GALNT13: variants seen among roughly 807,000 people sequenced by gnomAD.
GALNT13 encodes polypeptide N-acetylgalactosaminyltransferase 13.
Under a neutral mutation model 64.2 loss-of-function variants are expected in GALNT13, and 28 were observed. That is an observed-to-expected ratio of 0.44 (90% CI 0.32 to 0.60). The LOEUF is 0.60. Among genes scored for constraint, GALNT13 ranks in the 20% least tolerant of loss-of-function variants. GALNT13 has a pLI of 0.05. For missense variants in GALNT13, 577 were observed against 669.8 expected, an observed-to-expected ratio of 0.86 and a Z score of 1.53; for synonymous variants, 214 against 224.6, an observed-to-expected ratio of 0.95 and a Z score of 0.42.
chr2:154,385,557 CCATT>C (rs1222529319), intron 9 of GALNT13, among the ~76,000 whole-genome samples: 2 of 151,922 alleles, frequency 1.3e-5, no homozygotes, highest in Non-Finnish European at 2.9e-5. Flanking sequence ...AGTTATTTAA[CCATT>C]CAAAGTCTTA....
At chr2:154,227,314 G>A (rs1688670500) in intron 4 of GALNT13, among the ~76,000 whole-genome samples, 1 of 151,846 alleles carries the variant, frequency 6.6e-6, no homozygotes, top group Admixed American at 6.6e-5. Context: ...GGCTACCTGG[G>A]GCACATTTTT....
chr2:153,632,551 A>T, the GALNT13 span, among the ~76,000 whole-genome samples: 1 of 152,142 alleles, frequency 6.6e-6, no homozygotes, highest in Non-Finnish European at 1.5e-5. Flanking sequence ...ATCCCCTGGA[A>T]ACCACTGATT....
intron 9 of GALNT13, among the ~76,000 whole-genome samples, chr2:154,366,616 A>G (rs1697375007): frequency 6.6e-6 from 1 of 152,206 alleles, no homozygotes. Flanking sequence ...TATACATGTC[A>G]CGACTTCTGA....
chr2:153,355,114 T>C, the GALNT13 span, among the ~76,000 whole-genome samples: 1 of 152,116 alleles, frequency 6.6e-6, no homozygotes. Context: ...CGTTATTCAA[T>C]AGAGTAAAAG....
chr2:154,305,545 T>A (rs2105109419), intron 9 of GALNT13, among the ~76,000 whole-genome samples: 1 of 152,328 alleles, frequency 6.6e-6, no homozygotes, highest in East Asian at 1.9e-4. Context: ...ATATGTTTTG[T>A]GAGATTTCTA....
At chr2:153,735,447 T>A in the GALNT13 span, among the ~76,000 whole-genome samples, 1 of 152,074 alleles carries the variant, frequency 6.6e-6, no homozygotes, top group Admixed American at 6.6e-5. Flanking sequence ...CTGAAAAAAA[T>A]TGTAAATATT....
At chr2:153,186,442 A>G in the GALNT13 span, among the ~76,000 whole-genome samples, 1 of 152,198 alleles carries the variant, frequency 6.6e-6, no homozygotes, top group South Asian at 2.1e-4. Context: ...TGGGGCATTT[A>G]GCTCATGCTT....
the GALNT13 span, among the ~76,000 whole-genome samples, chr2:153,117,804 G>A: frequency 9.3e-3 from 1,406 of 151,974 alleles, 27 homozygotes; most frequent in African/African-American, 0.032. Context: ...CACTAACTTG[G>A]TTGTCTTCTG....
chr2:153,096,039 G>T, the GALNT13 span, among the ~76,000 whole-genome samples: 2 of 150,650 alleles, frequency 1.3e-5, no homozygotes, highest in Non-Finnish European at 3.0e-5. Flanking sequence ...AATAAAATAA[G>T]TAAATAAATA....
chr2:153,921,075 A>G (rs926782106), intron 2 of GALNT13, among the ~76,000 whole-genome samples: 4 of 152,192 alleles, frequency 2.6e-5, no homozygotes, highest in Non-Finnish European at 5.9e-5. Flanking sequence ...ATGATTTCTT[A>G]AAGAACTTGA....
chr2:153,696,115 G>A, the GALNT13 span, among the ~76,000 whole-genome samples: 18 of 152,256 alleles, frequency 1.2e-4, no homozygotes, highest in African/African-American at 2.9e-4. Flanking sequence ...AAGTCAGTCC[G>A]AGTCCCAAAA....
At chr2:153,674,767 T>G in the GALNT13 span, among the ~76,000 whole-genome samples, 5 of 152,224 alleles carry the variant, frequency 3.3e-5, no homozygotes, top group Admixed American at 3.3e-4. Flanking sequence ...ACGGGCAACC[T>G]ACAGAATGGG....
At chr2:153,379,699 G>T in the GALNT13 span, among the ~76,000 whole-genome samples, 9 of 152,034 alleles carry the variant, frequency 5.9e-5, no homozygotes, top group African/African-American at 2.2e-4. Flanking sequence ...ATGAGATATT[G>T]TTTATAGTCA....
chr2:153,364,113 C>G, the GALNT13 span, among the ~76,000 whole-genome samples: 2 of 152,034 alleles, frequency 1.3e-5, no homozygotes, highest in Non-Finnish European at 2.9e-5. Context: ...TAATCCATCC[C>G]ATAAACTGAA....
chr2:153,641,327 T>C, the GALNT13 span, among the ~76,000 whole-genome samples: 1 of 152,172 alleles, frequency 6.6e-6, no homozygotes, highest in African/African-American at 2.4e-5. Context: ...GTGGTTAAAG[T>C]TAAGTAACTT....
At chr2:153,386,074 G>A in the GALNT13 span, among the ~76,000 whole-genome samples, 105 of 151,942 alleles carry the variant, frequency 6.9e-4, no homozygotes, top group South Asian at 1.0e-3. Flanking sequence ...GAGATTTGGG[G>A]GGGTTTTTTG....
the GALNT13 span, among the ~76,000 whole-genome samples, chr2:153,793,788 A>G: frequency 1.3e-5 from 2 of 152,198 alleles, no homozygotes; most frequent in South Asian, 4.1e-4. Context: ...GCATTTTCTT[A>G]TACTTTATTC....
chr2:153,375,320 CT>C, the GALNT13 span, among the ~76,000 whole-genome samples: 1 of 151,926 alleles, frequency 6.6e-6, no homozygotes, highest in Non-Finnish European at 1.5e-5. Context: ...TAAAAAAATA[CT>C]TTTTTTGACA....
chr2:153,312,152 T>C, the GALNT13 span, among the ~76,000 whole-genome samples: 9 of 152,140 alleles, frequency 5.9e-5, no homozygotes, highest in Non-Finnish European at 1.0e-4. Context: ...CTATAGGGCT[T>C]GATAAGAATG....
Sources: gnomAD v4.1 joint callset for allele counts (sites outside exome capture counted in the v4.1 genomes callset) on GRCh38, gnomAD v4.1.1 for gene constraint, MANE v1.5 for transcripts, NCBI Gene and HGNC (gene_info 2026-07-23, HGNC 2026-07-21) for gene names.